The following LRIT3 variants were observed in gnomAD, a reference collection of about 807,000 sequenced individuals.
The protein encoded by LRIT3 is leucine-rich repeat, immunoglobulin-like domain and transmembrane domain-containing protein 3.
Under a neutral mutation model 22.6 loss-of-function variants are expected in LRIT3, and 14 were observed. The observed-to-expected ratio is 0.62, with a 90% CI of 0.41 to 0.97. The LOEUF (loss-of-function observed/expected upper bound fraction) is 0.97, where lower values mean the gene tolerates loss of function less well. Among genes scored for constraint, LRIT3 ranks in the 50% least tolerant of loss-of-function variants. The probability of loss-of-function intolerance (pLI) is 0.00; values close to 1 mark genes in which losing one functional copy is unlikely to be tolerated. For missense variants in LRIT3, 783 were observed against 803.0 expected (o/e 0.98, Z 0.30); for synonymous variants, 306 against 304.5 (o/e 1.01, Z -0.05).
rs754987384 is a variant in LRIT3, at chr4:109,870,364, G to C, written c.1615G>C (p.Val539Leu). The part of the protein sequence containing the change: ...LLNADSSKNQ[V>L]TIDGLEPGGQ... ...GAATGCAGACTCCAGCAAGAACCAA[G>C]TAACCATAGATGGCTTGGAACCCGG... The change falls in exon 4 of 4, where the codon GTA (valine) becomes CTA (leucine). Residue 539 changes from valine to leucine, a missense_variant. Transcript: ENST00000594814. The C allele has an allele frequency of 6.2e-7, 1 of 1,614,200 alleles. No individual in the cohort carries two copies. The highest frequency in any genetic ancestry group is 8.5e-7 in the Non-Finnish European group (1 of 1,180,034).
intron 2 of LRIT3, among the ~76,000 whole-genome samples, chr4:109,860,836 T>C (rs1734518422): frequency 6.6e-6 from 1 of 152,260 alleles, no homozygotes; most frequent in Non-Finnish European, 1.5e-5. Flanking sequence ...AGCATCATGT[T>C]TTTGAAAATC....
At chr4:109,868,385 A>G (rs892581254) in intron 3 of LRIT3, among the ~76,000 whole-genome samples, 2 of 152,192 alleles carry the variant, frequency 1.3e-5, no homozygotes, top group African/African-American at 4.8e-5. Flanking sequence ...AGCCTGGCCA[A>G]CATGGCAAAA....
Position 109,870,685 on chromosome 4 carries a change from A to G in LRIT3, c.1936A>G (p.Ser646Gly), listed in dbSNP as rs765492390. The G allele has an allele frequency of 1.2e-6, 2 of 1,614,118 alleles. No individual in the cohort carries two copies. Among genetic ancestry groups the G allele is most frequent in the Non-Finnish European group, 1.7e-6 (2 of 1,180,006 alleles). The change falls in exon 4 of 4, where the codon AGC (serine) becomes GGC (glycine). Residue 646 changes from serine (S) to glycine (G), a missense_variant. Ser to Gly is a moderately conservative substitution (Grantham distance 56). Coordinates refer to ENST00000594814, the MANE Select transcript of LRIT3 (RefSeq NM_198506.5). ...SQSVGELWTRSHRDDSEKLLL... is the reference protein window; with the variant it reads ...SQSVGELWTRGHRDDSEKLLL... ...AAGTGTAGGTGAGCTCTGGACACGA[A>G]GCCACAGGGATGACTCAGAGAAATT... is the stretch of plus-strand genomic sequence containing the variant.
At chr4:109,856,032 C>T (rs993627471) in intron 2 of LRIT3, among the ~76,000 whole-genome samples, 4 of 152,224 alleles carry the variant, frequency 2.6e-5, no homozygotes, top group East Asian at 1.9e-4. Flanking sequence ...CCACAAGGGT[C>T]GCATTCCATT....
At chr4:109,866,203 T>C (rs911631689) in intron 2 of LRIT3, among the ~76,000 whole-genome samples, 21 of 143,476 alleles carry the variant, frequency 1.5e-4, no homozygotes, top group African/African-American at 5.1e-4. Flanking sequence ...TTAGAATTTG[T>C]AAAATTGCAG....
intron 3 of LRIT3, among the ~76,000 whole-genome samples, chr4:109,869,023 T>A (rs975246855): frequency 6.6e-6 from 1 of 152,284 alleles, no homozygotes; most frequent in African/African-American, 2.4e-5. Context: ...TCTGATTTTT[T>A]AAAAAACTAT....
At position 109,869,845 on chromosome 4, in the gene LRIT3, G is replaced by C; in HGVS notation, c.1096G>C (p.Glu366Gln). 1 of 1,614,128 alleles carries C rather than the reference G, an allele frequency of 6.2e-7. No individual in the cohort carries two copies. The highest frequency in any genetic ancestry group is 2.2e-5 in the East Asian group (1 of 44,872). The change falls in exon 4 of 4, where the codon GAG (glutamate) becomes CAG (glutamine). Residue 366 changes from glutamate to glutamine, a missense_variant. This residue lies in a region of LRIT3 where 756 missense variants were observed against 753.8 expected (regional missense o/e 1.00). Transcript: ENST00000594814. ...TTCTGAAAGAACTGGAGATCATCCT[G>C]AGTGGGATGTCCAGCCGGGATCTGG... is the stretch of plus-strand genomic sequence containing the variant. ...DTSERTGDHP[E>Q]WDVQPGSGRS...
At position 109,863,976 on chromosome 4, in the gene LRIT3, G is replaced by GA. The variant is rs533657321; in HGVS notation, c.590-3658dup. On this transcript the variant is annotated intron_variant, in intron 2 of 3. Transcript: ENST00000594814. ...ACTTGCATTGGTAGTATTACATAAA[G>GA]AAAAAAATCTGGCATAAGTTGAAGT... 1.5e-3 allele frequency among the ~76,000 whole-genome samples: 231 copies of GA among 152,026 alleles called. 1 individual carries two copies. Among genetic ancestry groups the GA allele is most frequent in the African/African-American group, 5.3e-3 (218 of 41,502 alleles).
chr4:109,850,746 G>A (rs1034422922), intron 1 of LRIT3, among the ~76,000 whole-genome samples: 1 of 151,800 alleles, frequency 6.6e-6, no homozygotes, highest in African/African-American at 2.4e-5. Flanking sequence ...CAAAGTGCTG[G>A]GATTACAGCC....
rs1211012426 is a variant in LRIT3 at position 109,870,467 on chromosome 4, G to C, written c.1718G>C (p.Arg573Thr). ...CAATGCATCACCTTTTCTACTGAAA[G>C]AGTTGAAGGAGATGATTCTCAATGG... ...KDQCITFSTE[R>T]VEGDDSQWSL... The change falls in exon 4 of 4, where the codon AGA (arginine) becomes ACA (threonine). Residue 573 changes from arginine to threonine, a missense_variant. This residue lies in a region of LRIT3 where 756 missense variants were observed against 753.8 expected (regional missense o/e 1.00). Transcript: ENST00000594814. The C allele has an allele frequency of 6.2e-7, 1 of 1,614,192 alleles. No individual in the cohort carries two copies. The highest frequency in any genetic ancestry group is 1.1e-5 in the South Asian group (1 of 91,070).
At chr4:109,863,945 C>G (rs1734611582) in intron 2 of LRIT3, among the ~76,000 whole-genome samples, 1 of 152,144 alleles carries the variant, frequency 6.6e-6, no homozygotes. Context: ...GCAATCAAAA[C>G]TTGTAACTTG....
rs184583513 is a variant in LRIT3, at chr4:109,864,809, A to T, written c.590-2832A>T. On this transcript the variant is annotated intron_variant, in intron 2 of 3. Coordinates refer to ENST00000594814, the MANE Select transcript of LRIT3 (RefSeq NM_198506.5). ...TATATTGTTTATAAAAGGAGAATTG[A>T]CTACTTTTAGTCTGTATTGTAGTCA... Among the ~76,000 whole-genome samples the T allele has an allele frequency of 2.6e-5, 4 of 152,308 alleles. No homozygotes were observed. In the East Asian group the frequency reaches 7.7e-4, roughly 29 times the overall value.
At chr4:109,865,789 G>A (rs1013316756) in intron 2 of LRIT3, among the ~76,000 whole-genome samples, 1 of 152,128 alleles carries the variant, frequency 6.6e-6, no homozygotes, top group Non-Finnish European at 1.5e-5. Context: ...GGCTGAGAGA[G>A]GTTGTTATTA....
At chr4:109,866,442 G>A (rs1018666483) in intron 2 of LRIT3, among the ~76,000 whole-genome samples, 2 of 152,152 alleles carry the variant, frequency 1.3e-5, no homozygotes, top group Non-Finnish European at 2.9e-5. Flanking sequence ...TTCGATGTTT[G>A]CTCTGAAGTT....
chr4:109,865,175 A>AC, intron 2 of LRIT3: 1 of 1,467,360 alleles, frequency 6.8e-7, no homozygotes, highest in Admixed American at 2.0e-5. Context: ...CAACTCTCCC[A>AC]TTTTGCCGAT....
chr4:109,870,834 A>C lies in LRIT3; in HGVS notation c.*45A>C. On this transcript the variant is annotated 3_prime_UTR_variant, in exon 4 of 4. Coordinates refer to ENST00000594814, the MANE Select transcript of LRIT3 (RefSeq NM_198506.5). ...ATGTGAGCTACAAAACTAGCATCTAAGGGTATAATTGACCCTAGGTTTGGA... is the reference window on the plus strand; with the variant it reads ...ATGTGAGCTACAAAACTAGCATCTACGGGTATAATTGACCCTAGGTTTGGA... 1 of 1,520,114 alleles carries C rather than the reference A, an allele frequency of 6.6e-7. No homozygotes were observed. Among genetic ancestry groups the C allele is most frequent in the Non-Finnish European group, 8.8e-7 (1 of 1,134,478 alleles). 94.2% of individuals were successfully genotyped at this position (1,520,114 alleles called of 1,614,324 possible).
chr4:109,867,184 G>T (rs1734702557), intron 2 of LRIT3, among the ~76,000 whole-genome samples: 1 of 151,918 alleles, frequency 6.6e-6, no homozygotes, highest in Non-Finnish European at 1.5e-5. Context: ...CTGTATTATG[G>T]CATTCTATGG....
chr4:109,867,071 T>G (rs544392263), intron 2 of LRIT3, among the ~76,000 whole-genome samples: 2 of 152,290 alleles, frequency 1.3e-5, no homozygotes, highest in South Asian at 4.1e-4. Context: ...TCAAATCACA[T>G]AAAACCATAA....
chr4:109,864,064 G>A (rs1486009279), intron 2 of LRIT3, among the ~76,000 whole-genome samples: 1 of 152,130 alleles, frequency 6.6e-6, no homozygotes, highest in Admixed American at 6.6e-5. Context: ...TGTGCTGGCA[G>A]ATTTAGAAAT....
Sources: allele counts gnomAD v4.1 joint callset (sites outside exome capture counted in the v4.1 genomes callset), GRCh38; gene constraint gnomAD v4.1.1; regional missense constraint gnomAD v4.1.1; transcripts MANE v1.5; gene names NCBI Gene and HGNC (gene_info 2026-07-23, HGNC 2026-07-21).